The following ANKRD13C variants were observed in gnomAD, a reference collection of about 807,000 sequenced individuals.
ANKRD13C encodes ankyrin repeat domain 13C.
ANKRD13C carries 16 observed loss-of-function variants against 65.5 expected under a neutral mutation model. The ratio of observed to expected loss-of-function variants is 0.24; its 90% CI spans 0.17 to 0.37. The LOEUF (loss-of-function observed/expected upper bound fraction) is 0.37, where lower values mean the gene tolerates loss of function less well. ANKRD13C is among the 10% of genes least tolerant of loss of function. ANKRD13C has a pLI of 1.00. For synonymous variants in ANKRD13C, 235 were observed against 238.7 expected (o/e 0.98, Z 0.14); for missense variants, 503 against 655.9 (o/e 0.77, Z 2.55).
At chr1:70,344,095 C>T (rs534556063) in intron 1 of ANKRD13C, among the ~76,000 whole-genome samples, 7 of 151,822 alleles carry the variant, frequency 4.6e-5, no homozygotes, top group Non-Finnish European at 8.8e-5. Context: ...GTCAGGAGTT[C>T]AAGACCAGCC....
intron 12 of ANKRD13C, among the ~76,000 whole-genome samples, chr1:70,267,853 G>A (rs578047691): frequency 2.0e-5 from 3 of 151,710 alleles, no homozygotes; most frequent in African/African-American, 7.2e-5. Context: ...ACAATTTCCC[G>A]GTGTCATAAT....
At chr1:70,290,505 C>CAA (rs1171814823) in intron 9 of ANKRD13C, among the ~76,000 whole-genome samples, 1 of 151,642 alleles carries the variant, frequency 6.6e-6, no homozygotes. Context: ...GTAGTAATGA[C>CAA]TCTCAGTATG....
At chr1:70,277,628 G>GT (rs1679199817) in intron 9 of ANKRD13C, among the ~76,000 whole-genome samples, 1 of 152,100 alleles carries the variant, frequency 6.6e-6, no homozygotes, top group African/African-American at 2.4e-5. Flanking sequence ...TCTTCTGTGG[G>GT]TAAAGATCAA....
In ANKRD13C at chr1:70,332,560, G is replaced by T. The variant is rs940425994; in HGVS notation, c.472+3498C>A. ...CGGCTCACTGCAACCTCTGCCTCTGGGTTCAAGTGATTCTCCTTTCTCAGC... is the reference window on the plus strand; with the variant it reads ...CGGCTCACTGCAACCTCTGCCTCTGTGTTCAAGTGATTCTCCTTTCTCAGC... On this transcript the variant is annotated intron_variant, in intron 2 of 12. Transcript: ENST00000370944. Among the ~76,000 whole-genome samples, 55 of 152,070 alleles carry T rather than the reference G, an allele frequency of 3.6e-4. 1 individual carries two copies. The highest frequency in any genetic ancestry group is 1.2e-3 in the African/African-American group (51 of 41,414).
At chr1:70,331,073 T>C (rs916212873) in intron 2 of ANKRD13C, among the ~76,000 whole-genome samples, 1 of 152,208 alleles carries the variant, frequency 6.6e-6, no homozygotes, top group Non-Finnish European at 1.5e-5. Context: ...TGTAGAAGTA[T>C]AAAAGATTCT....
At chr1:70,351,399 T>G (rs1682738156) in intron 1 of ANKRD13C, among the ~76,000 whole-genome samples, 1 of 152,150 alleles carries the variant, frequency 6.6e-6, no homozygotes, top group African/African-American at 2.4e-5. Context: ...ATTTATTTAT[T>G]TTATTTTATT....
chr1:70,346,207 A>C (rs1315313495), intron 1 of ANKRD13C, among the ~76,000 whole-genome samples: 3 of 152,118 alleles, frequency 2.0e-5, no homozygotes, highest in Non-Finnish European at 4.4e-5. Flanking sequence ...GCACAATCCC[A>C]ATTATGTCAC....
chr1:70,350,664 T>G (rs1682708780), intron 1 of ANKRD13C, among the ~76,000 whole-genome samples: 1 of 152,238 alleles, frequency 6.6e-6, no homozygotes, highest in Non-Finnish European at 1.5e-5. Context: ...AACTTTGCTA[T>G]AAAACACCAA....
intron 1 of ANKRD13C, among the ~76,000 whole-genome samples, chr1:70,336,756 A>C (rs147196434): frequency 2.5e-3 from 388 of 152,290 alleles, no homozygotes; most frequent in Non-Finnish European, 4.5e-3. Flanking sequence ...ACAAACAAAC[A>C]GTTATTATTA....
chr1:70,344,294 T>TAAAAAAAAAA (rs1350782949), intron 1 of ANKRD13C, among the ~76,000 whole-genome samples: 1 of 82,178 alleles, frequency 1.2e-5, no homozygotes, highest in Non-Finnish European at 2.3e-5. Context: ...AGATTCCATC[T>TAAAAAAAAAA]CAAAAAAAAA....
chr1:70,283,296 T>G (rs1403608755), intron 9 of ANKRD13C, among the ~76,000 whole-genome samples: 2 of 152,166 alleles, frequency 1.3e-5, no homozygotes, highest in East Asian at 1.9e-4. Context: ...CAGATAACTC[T>G]TTAAGTTATT....
chr1:70,299,088 C>T (rs1320761418), intron 7 of ANKRD13C, among the ~76,000 whole-genome samples: 1 of 151,542 alleles, frequency 6.6e-6, no homozygotes, highest in Non-Finnish European at 1.5e-5. Flanking sequence ...TTAATAGGAA[C>T]ATAAGGACAA....
chr1:70,313,885 T>C, intron 4 of ANKRD13C, 95 bp from the exon 5 acceptor site: 1 of 823,454 alleles, frequency 1.2e-6, no homozygotes, highest in East Asian at 2.5e-5. Context: ...TTATAATACA[T>C]GCATTACTAT....
chr1:70,311,493 T>G lies in ANKRD13C; in HGVS notation c.709+2252A>C, dbSNP rs1680849142. Among the ~76,000 whole-genome samples the G allele has an allele frequency of 3.3e-5, 5 of 151,790 alleles. No individual in the cohort carries two copies. In the South Asian group the frequency reaches 1.0e-3, roughly 32 times the overall value. ...CCCTCTCAATAAATAAATAAATAAA[T>G]GTCAACTTGCATAATGATATAACAG... On this transcript the variant is annotated intron_variant, in intron 5 of 12. Transcript: ENST00000370944.
At chr1:70,309,188 T>A (rs1291343969) in intron 5 of ANKRD13C, among the ~76,000 whole-genome samples, 1 of 151,696 alleles carries the variant, frequency 6.6e-6, no homozygotes, top group Non-Finnish European at 1.5e-5. Context: ...TTCTCCAGCC[T>A]CAGCCTCCTG....
At position 70,292,371 on chromosome 1, in the gene ANKRD13C, A is replaced by C; in HGVS notation, c.1215+17T>G. The C allele has an allele frequency of 6.5e-7, 1 of 1,549,736 alleles. No homozygotes were observed. Among genetic ancestry groups the C allele is most frequent in the South Asian group, 1.3e-5 (1 of 79,154 alleles). The stretch of plus-strand genomic sequence containing the variant: ...TCTTCTTAGAAAACTACAAATTAGA[A>C]GAATTAAAAATTATACCTCAAAATT... On this transcript the variant is annotated intron_variant, in intron 9 of 12. Transcript: ENST00000370944.
intron 1 of ANKRD13C, among the ~76,000 whole-genome samples, chr1:70,352,532 C>T (rs768385061): frequency 5.3e-5 from 8 of 152,076 alleles, no homozygotes; most frequent in African/African-American, 1.9e-4. Context: ...TCCATCTCTT[C>T]TTTCAAAGGG....
intron 2 of ANKRD13C, among the ~76,000 whole-genome samples, chr1:70,331,804 A>G (rs1488548353): frequency 7.4e-6 from 1 of 134,502 alleles, no homozygotes; most frequent in East Asian, 2.4e-4. Context: ...CCTAGGCAAC[A>G]GAGCAAGACT....
At chr1:70,308,287 T>C (rs1419712626) in intron 5 of ANKRD13C, among the ~76,000 whole-genome samples, 1 of 151,966 alleles carries the variant, frequency 6.6e-6, no homozygotes, top group Non-Finnish European at 1.5e-5. Context: ...CAAGCCACCA[T>C]ACCCAGCCAA....
Sources: allele counts gnomAD v4.1 joint callset (sites outside exome capture counted in the v4.1 genomes callset), GRCh38; gene constraint gnomAD v4.1.1; transcripts MANE v1.5; gene names NCBI Gene and HGNC (gene_info 2026-07-23, HGNC 2026-07-21).